The following SYNE2 variants were observed in gnomAD, a reference collection of about 807,000 sequenced individuals.
The protein encoded by SYNE2 is nesprin-2.
In SYNE2, 431 loss-of-function variants were observed where a neutral mutation model predicts 856.3. That is an observed-to-expected ratio of 0.50 (90% confidence interval 0.47 to 0.55). The LOEUF (loss-of-function observed/expected upper bound fraction) is 0.55. Among genes scored for constraint, SYNE2 ranks in the 20% least tolerant of loss-of-function variants. The pLI, the probability that SYNE2 is intolerant of heterozygous loss-of-function variation, is 0.00. For missense variants in SYNE2, 8,129 were observed against 8,023.2 expected, an observed-to-expected ratio of 1.01 and a Z score of -0.50; for synonymous variants, 2,923 against 2,872.3, an observed-to-expected ratio of 1.02 and a Z score of -0.56.
chr14:64,117,417 A>G (rs1265120307), intron 66 of SYNE2, among the ~76,000 whole-genome samples: 3 of 152,072 alleles, frequency 2.0e-5, no homozygotes, highest in Non-Finnish European at 2.9e-5. Context: ...CTCCTGCCCC[A>G]GTCTCCGGAA....
In SYNE2 at chr14:63,949,810, C is replaced by G; in HGVS notation, c.409-15C>G. ...TATGCTTTTATAAACGTTAAGTCTA[C>G]TTTGCCTTCCTTAGATTGAGAAGCT... On this transcript the variant is annotated splice_polypyrimidine_tract_variant and intron_variant, in intron 6 of 115. Coordinates refer to ENST00000555002, the MANE Select transcript of SYNE2 (RefSeq NM_182914.3). 3 of 1,614,048 alleles carry G rather than the reference C, an allele frequency of 1.9e-6. No individual in the cohort carries two copies. Among genetic ancestry groups the G allele is most frequent in the Non-Finnish European group, 1.7e-6 (2 of 1,179,940 alleles).
rs371461730 is a variant in SYNE2 at position 64,209,455 on chromosome 14, G to T, written c.18417G>T (p.Gln6139His). The stretch of plus-strand genomic sequence containing the variant: ...TCGAGGAGACGTGGCGCCTGTGGCA[G>T]AAGTTTTTAGACGACTATTCTCGCT... ...MKIEETWRLWQKFLDDYSRFE... is the reference protein window; with the variant it reads ...MKIEETWRLWHKFLDDYSRFE... The change falls in exon 102 of 116, where the codon CAG becomes CAT. Residue 6139 changes from glutamine to histidine, a missense_variant. Coordinates refer to ENST00000555002, the MANE Select transcript of SYNE2 (RefSeq NM_182914.3). The T allele has an allele frequency of 1.3e-5, 21 of 1,614,254 alleles. No homozygotes were observed. In the East Asian group the frequency reaches 4.7e-4, roughly 36 times the overall value.
rs552210688 is a variant in SYNE2 at position 63,995,948 on chromosome 14, C to T, written c.2940+746C>T. On this transcript the variant is annotated intron_variant, in intron 23 of 115. Transcript: ENST00000555002. Reference sequence around the variant, plus strand: ...CGTGCTTCCCTTAGGCGATTTTATGCACTCTGGGGTTTGACCTGCCTTCTC... The same window carrying T: ...CGTGCTTCCCTTAGGCGATTTTATGTACTCTGGGGTTTGACCTGCCTTCTC... 2.0e-5 allele frequency among the ~76,000 whole-genome samples: 3 copies of T among 152,274 alleles called. No homozygotes were observed. In the South Asian group the frequency reaches 6.2e-4, roughly 32 times the overall value.
At chr14:63,892,250 G>A (rs1300394779) in intron 1 of SYNE2, among the ~76,000 whole-genome samples, 1 of 152,026 alleles carries the variant, frequency 6.6e-6, no homozygotes, top group Non-Finnish European at 1.5e-5. Context: ...GATCCTGCAT[G>A]ATTTTCCCCG....
intron 10 of SYNE2, among the ~76,000 whole-genome samples, chr14:63,965,852 A>G (rs945029): frequency 0.53 from 80,293 of 152,020 alleles, 22,515 homozygotes; most frequent in African/African-American, 0.73. Context: ...CTTAGCTCTG[A>G]TCTAAGATTT....
intron 77 of SYNE2, among the ~76,000 whole-genome samples, chr14:64,133,114 G>T (rs975021461): frequency 3.3e-5 from 5 of 151,990 alleles, no homozygotes; most frequent in African/African-American, 1.2e-4. Context: ...GCTGAGGCAG[G>T]AGAATGGCGT....
At chr14:63,775,749 T>TTTTGTTTG (rs576349413) in intron 1 of SYNE2, among the ~76,000 whole-genome samples, 3 of 152,006 alleles carry the variant, frequency 2.0e-5, no homozygotes, top group African/African-American at 7.2e-5. Context: ...CCCTGGCTAA[T>TTTTGTTTG]TTTGTTTGTT....
chr14:64,036,105 C>G (rs902344572), intron 45 of SYNE2, among the ~76,000 whole-genome samples: 2 of 151,758 alleles, frequency 1.3e-5, no homozygotes, highest in Non-Finnish European at 2.9e-5. Flanking sequence ...GCTGACTGAC[C>G]TCAATGGACT....
chr14:64,093,096 C>G (rs1468139960), intron 60 of SYNE2, among the ~76,000 whole-genome samples: 1 of 152,116 alleles, frequency 6.6e-6, no homozygotes, highest in Non-Finnish European at 1.5e-5. Context: ...TACTTAAGAG[C>G]AAAGGTGTGT....
chr14:63,903,739 A>G (rs1480832100), intron 1 of SYNE2, among the ~76,000 whole-genome samples: 1 of 152,068 alleles, frequency 6.6e-6, no homozygotes, highest in Non-Finnish European at 1.5e-5. Flanking sequence ...TTTTTAATGT[A>G]AATACAACAA....
chr14:63,897,852 G>C (rs2153306232), intron 1 of SYNE2, among the ~76,000 whole-genome samples: 1 of 152,328 alleles, frequency 6.6e-6, no homozygotes, highest in African/African-American at 2.4e-5. Flanking sequence ...AATGAAGTCA[G>C]ATGATGAGAG....
At chr14:64,002,145 C>G (rs1367622919) in intron 29 of SYNE2, 64 bp downstream of exon 29, 1 of 1,339,180 alleles carries the variant, frequency 7.5e-7, no homozygotes, top group Non-Finnish European at 1.1e-6. Context: ...TTTATAAATC[C>G]TTATGGATTT....
At position 64,031,264 on chromosome 14, in the gene SYNE2, A is replaced by G. The variant is rs117423703; in HGVS notation, c.7128A>G (p.Pro2376=). ...AAAAGAAAGGAAAGTTTACTCTGCC[A>G]GGCAGAGAGAAGCAGGCCACTTCTG... is the stretch of plus-strand genomic sequence containing the variant. ...STEKKGKFTL[P]GREKQATSDV... The change falls in exon 45 of 116, where the codon CCA becomes CCG. Residue 2376 remains proline (P), a synonymous_variant. Coordinates refer to ENST00000555002, the MANE Select transcript of SYNE2 (RefSeq NM_182914.3). 2,998 of 1,614,188 alleles carry G rather than the reference A, an allele frequency of 1.9e-3. 65 individuals carry two copies. The East Asian group carries it at 0.035, about 19-fold the overall frequency.
At chr14:64,000,991 C>T (rs1594778121) in intron 28 of SYNE2, among the ~76,000 whole-genome samples, 1 of 152,166 alleles carries the variant, frequency 6.6e-6, no homozygotes, top group African/African-American at 2.4e-5. Flanking sequence ...ACAGTCTTTC[C>T]ACTGTCTCTT....
At chr14:63,889,981 G>A (rs1207513915) in intron 1 of SYNE2, among the ~76,000 whole-genome samples, 2 of 151,672 alleles carry the variant, frequency 1.3e-5, no homozygotes, top group East Asian at 3.9e-4. Context: ...GCCTCTCTGT[G>A]TAGTATTCCT....
intron 1 of SYNE2, among the ~76,000 whole-genome samples, chr14:63,826,580 G>A (rs564906537): frequency 5.9e-5 from 9 of 152,130 alleles, no homozygotes; most frequent in Non-Finnish European, 1.2e-4. Flanking sequence ...GATTACAGGC[G>A]TGAGTCACCG....
intron 90 of SYNE2, among the ~76,000 whole-genome samples, chr14:64,166,060 C>T (rs564317516): frequency 5.5e-4 from 83 of 152,232 alleles, no homozygotes; most frequent in African/African-American, 1.9e-3. Context: ...TCTTTACCTT[C>T]GTAAGTTTAG....
At chr14:64,113,088 T>G (rs554522769) in intron 65 of SYNE2, 2 of 985,306 alleles carry the variant, frequency 2.0e-6, no homozygotes, top group Non-Finnish European at 2.4e-6. Flanking sequence ...GGTAGTGAAC[T>G]GTGAGCCTGT....
intron 45 of SYNE2, among the ~76,000 whole-genome samples, chr14:64,035,075 C>A (rs979780422): frequency 9.2e-5 from 14 of 151,702 alleles, no homozygotes; most frequent in African/African-American, 2.9e-4. Flanking sequence ...GTAATTACTT[C>A]TTTGATTTCC....
Sources: allele counts gnomAD v4.1 joint callset (sites outside exome capture counted in the v4.1 genomes callset), GRCh38; gene constraint gnomAD v4.1.1; transcripts MANE v1.5; gene names NCBI Gene and HGNC (gene_info 2026-07-23, HGNC 2026-07-21).